IQUB: variants seen among roughly 807,000 people sequenced by gnomAD.
IQUB encodes the protein IQ motif and ubiquitin-like domain-containing protein.
A neutral mutation model predicts 86.4 loss-of-function variants in IQUB; 86 were observed. That is an observed-to-expected ratio of 1.00 (90% CI 0.84 to 1.19). The LOEUF is 1.19. IQUB is among the 50% of genes most tolerant of loss of function. The pLI, the probability that IQUB is intolerant of heterozygous loss-of-function variation, is 0.00. For missense variants in IQUB, 946 were observed against 916.9 expected (o/e 1.03, Z -0.41); for synonymous variants, 289 against 304.5 (o/e 0.95, Z 0.53).
At chr7:123,465,033 G>A (rs753078968) in intron 9 of IQUB, 24 bp from the exon 10 acceptor site, 12 of 1,425,680 alleles carry the variant, frequency 8.4e-6, no homozygotes, top group Admixed American at 7.5e-5. Context: ...AAAAATATAT[G>A]GTATAAAATT....
chr7:123,462,130 A>C (rs1794019235), intron 10 of IQUB, among the ~76,000 whole-genome samples: 1 of 151,882 alleles, frequency 6.6e-6, no homozygotes, highest in Non-Finnish European at 1.5e-5. Flanking sequence ...TAAAATAATC[A>C]ACCCAATTAT....
chr7:123,455,880 A>G (rs1489361514), intron 12 of IQUB, among the ~76,000 whole-genome samples: 1 of 152,140 alleles, frequency 6.6e-6, no homozygotes. Flanking sequence ...AGGAGAGATC[A>G]ATCTGCTCCA....
chr7:123,525,254 C>T (rs199961648), intron 1 of IQUB, among the ~76,000 whole-genome samples: 38,878 of 150,852 alleles, frequency 0.26, 5,224 homozygotes, highest in East Asian at 0.32. Context: ...TTCTATTGAT[C>T]GGAATAGTTT....
intron 9 of IQUB, among the ~76,000 whole-genome samples, chr7:123,466,936 T>G (rs1012945210): frequency 1.3e-5 from 2 of 152,098 alleles, no homozygotes; most frequent in Non-Finnish European, 2.9e-5. Context: ...TTAATACCGA[T>G]GATCACACAG....
chr7:123,466,626 G>T (rs552109569), intron 9 of IQUB, among the ~76,000 whole-genome samples: 12 of 152,246 alleles, frequency 7.9e-5, no homozygotes, highest in Admixed American at 1.3e-4. Context: ...AGAGTTTTGT[G>T]TGCCTTGGAG....
intron 8 of IQUB, among the ~76,000 whole-genome samples, chr7:123,471,320 C>A (rs1303700702): frequency 1.3e-5 from 2 of 152,026 alleles, no homozygotes; most frequent in East Asian, 1.9e-4. Flanking sequence ...TTTGGGTAGG[C>A]CTCAGAGTGT....
rs73720260 is a variant in IQUB at position 123,491,539 on chromosome 7, A to G, written c.1234+5157T>C. Among the ~76,000 whole-genome samples, 1,057 of 152,302 alleles carry G rather than the reference A, an allele frequency of 6.9e-3. 13 individuals are homozygous for G. Among genetic ancestry groups the G allele is most frequent in the African/African-American group, 0.024 (1,007 of 41,548 alleles). The stretch of plus-strand genomic sequence containing the variant: ...ATCCTATAGGTATTAAAAGGATAAC[A>G]TGGAACATTATTAACATCTTTATGC... On this transcript the variant is annotated intron_variant, in intron 7 of 12. Coordinates refer to ENST00000324698, the MANE Select transcript of IQUB (RefSeq NM_178827.5).
intron 8 of IQUB, among the ~76,000 whole-genome samples, chr7:123,470,272 G>A (rs1266257319): frequency 6.6e-6 from 1 of 152,116 alleles, no homozygotes; most frequent in Non-Finnish European, 1.5e-5. Flanking sequence ...CTGTCTATTA[G>A]CTCTTCCACT....
chr7:123,489,574 GCCAAATAAAACTTC>G (rs1795367693), intron 7 of IQUB, among the ~76,000 whole-genome samples: 1 of 151,520 alleles, frequency 6.6e-6, no homozygotes, highest in South Asian at 2.1e-4. Flanking sequence ...TTTGAAAAAT[GCCAAATAAAACTTC>G]CACATATTAT....
At chr7:123,517,243 C>T (rs943119427) in intron 1 of IQUB, among the ~76,000 whole-genome samples, 2 of 151,974 alleles carry the variant, frequency 1.3e-5, no homozygotes, top group African/African-American at 4.8e-5. Flanking sequence ...GAAAGAGACC[C>T]TATATCGGCA....
chr7:123,523,849 A>C (rs1797039263), intron 1 of IQUB, among the ~76,000 whole-genome samples: 1 of 152,154 alleles, frequency 6.6e-6, no homozygotes, highest in South Asian at 2.1e-4. Context: ...CTAATGTTTA[A>C]GTCTTTAATC....
intron 1 of IQUB, among the ~76,000 whole-genome samples, chr7:123,524,257 T>G (rs1797066948): frequency 1.4e-5 from 2 of 142,578 alleles, no homozygotes; most frequent in Non-Finnish European, 3.1e-5. Flanking sequence ...ATTGGTAGCT[T>G]GATGGGGATG....
intron 10 of IQUB, 33 bp from the exon 11 acceptor site, chr7:123,461,638 C>G: frequency 6.6e-7 from 1 of 1,507,314 alleles, no homozygotes; most frequent in Non-Finnish European, 8.9e-7. Context: ...AAAAAAAGGT[C>G]TAAAAAGCCA....
At chr7:123,523,838 T>C (rs1005859934) in intron 1 of IQUB, among the ~76,000 whole-genome samples, 23 of 152,324 alleles carry the variant, frequency 1.5e-4, no homozygotes, top group African/African-American at 5.3e-4. Context: ...TGGTTTTAGG[T>C]CTAATGTTTA....
At chr7:123,454,012 A>C (rs1318183454) in intron 12 of IQUB, among the ~76,000 whole-genome samples, 3 of 152,150 alleles carry the variant, frequency 2.0e-5, no homozygotes, top group Admixed American at 6.5e-5. Flanking sequence ...CCCTCAATAA[A>C]GGTCTCTTCA....
chr7:123,534,006 T>C (rs1000304785), intron 1 of IQUB, among the ~76,000 whole-genome samples: 6 of 152,210 alleles, frequency 3.9e-5, no homozygotes, highest in Non-Finnish European at 8.8e-5. Context: ...AGGGATCCAG[T>C]ATTGCCTTCT....
In IQUB at chr7:123,452,622, T is replaced by C. The variant is rs1793473685; in HGVS notation, c.*121A>G. On this transcript the variant is annotated 3_prime_UTR_variant, in exon 13 of 13. Coordinates refer to ENST00000324698, the MANE Select transcript of IQUB (RefSeq NM_178827.5). Reference sequence around the variant, plus strand: ...TCTCTTTATATAACTCAAAATACTATGAAAAACAAAAAACAAAATCAATAA... The same window carrying C: ...TCTCTTTATATAACTCAAAATACTACGAAAAACAAAAAACAAAATCAATAA... 5.2e-6 allele frequency: 3 copies of C among 575,818 alleles called. No homozygotes were observed. Among genetic ancestry groups the C allele is most frequent in the Non-Finnish European group, 8.2e-6 (3 of 364,466 alleles). The allele number at this position is 575,818 out of a possible 1,614,324, so 35.7% of individuals were successfully genotyped here.
intron 9 of IQUB, among the ~76,000 whole-genome samples, chr7:123,468,051 G>A (rs543590001): frequency 2.0e-5 from 3 of 152,216 alleles, no homozygotes; most frequent in Non-Finnish European, 4.4e-5. Context: ...AATAGGGACA[G>A]AGAAGAATAT....
At chr7:123,460,972 G>GTTTT in intron 11 of IQUB, among the ~76,000 whole-genome samples, 1 of 136,524 alleles carries the variant, frequency 7.3e-6, no homozygotes, top group East Asian at 2.1e-4. Context: ...TTTCCCTAAG[G>GTTTT]TTTTTTTTTT....
Sources: gnomAD v4.1 joint callset for allele counts (sites outside exome capture counted in the v4.1 genomes callset) on GRCh38, gnomAD v4.1.1 for gene constraint, MANE v1.5 for transcripts, NCBI Gene and HGNC (gene_info 2026-07-23, HGNC 2026-07-21) for gene names.